INPP5D: variants seen among roughly 807,000 people sequenced by gnomAD.
The protein encoded by INPP5D is inositol polyphosphate-5-phosphatase D, also known as phosphatidylinositol 3,4,5-trisphosphate 5-phosphatase 1.
INPP5D carries 33 observed loss-of-function variants against 122.9 expected under a neutral mutation model. The observed-to-expected ratio is 0.27, with a 90% CI of 0.20 to 0.36. INPP5D has a LOEUF of 0.36. Ranked by LOEUF, INPP5D falls within the 10% of genes least tolerant of loss-of-function variation. The pLI is 1.00. For synonymous variants in INPP5D, 584 were observed against 576.2 expected, an observed-to-expected ratio of 1.01 and a Z score of -0.19; for missense variants, 1,053 against 1,412.7, an observed-to-expected ratio of 0.75 and a Z score of 4.08.
rs375109308 is a variant in INPP5D, at chr2:233,171,053, C to T, written c.1901-11C>T. ...GGAATCAGAATTAAAACGAAAGTCT[C>T]TCTGTTTCAGAGGAGGAAGAAATCA... On this transcript the variant is annotated splice_polypyrimidine_tract_variant and intron_variant, in intron 16 of 26. Coordinates refer to ENST00000445964, the MANE Select transcript of INPP5D (RefSeq NM_001017915.3). 257 of 1,613,476 alleles carry T rather than the reference C, an allele frequency of 1.6e-4. 4 individuals are homozygous for T. The Middle Eastern group carries it at 0.015, about 93-fold the overall frequency.
At position 233,094,512 on chromosome 2, in the gene INPP5D, CA is replaced by C. The variant is rs58284775; in HGVS notation, c.198+15144del. On this transcript the variant is annotated intron_variant, in intron 2 of 26. Transcript: ENST00000445964. ...TGGGCAATAGAGCAAGACTCCATCC[CA>C]AAAAAAAAAAAAAAAAAAAAAAAAA... Among the ~76,000 whole-genome samples the C allele has an allele frequency of 2.7e-3, 94 of 34,954 alleles. 13 individuals are homozygous for C. Among genetic ancestry groups the C allele is most frequent in the African/African-American group, 6.7e-3 (55 of 8,246 alleles). 22.9% of individuals were successfully genotyped at this position (34,954 alleles called of 152,430 possible). A position where few individuals can be genotyped will look rare whatever the true frequency, so the allele number is the denominator to read the frequency against.
intron 2 of INPP5D, among the ~76,000 whole-genome samples, chr2:233,117,743 C>T (rs1438710008): frequency 2.6e-5 from 4 of 152,218 alleles, no homozygotes; most frequent in South Asian, 2.1e-4. Flanking sequence ...ACATGAAAAA[C>T]GCACATGACA....
chr2:233,170,378 C>A lies in INPP5D; in HGVS notation c.1792-118C>A. On this transcript the variant is annotated intron_variant, in intron 15 of 26. Coordinates refer to ENST00000445964, the MANE Select transcript of INPP5D (RefSeq NM_001017915.3). This position sits in a 1 kb window ranked among gnomAD's most constrained non-coding sequence, Gnocchi z 4.5. ...CCGGTTCCCATAACTGTCACAGCCA[C>A]CCTGCCACCATCACTCTGCAGCCCG... is the stretch of plus-strand genomic sequence containing the variant. 6.6e-7 allele frequency: 1 copy of A among 1,515,932 alleles called. No homozygotes were observed. Among genetic ancestry groups the A allele is most frequent in the Non-Finnish European group, 8.9e-7 (1 of 1,125,092 alleles). 93.9% of individuals were successfully genotyped at this position (1,515,932 alleles called of 1,614,324 possible). A position where few individuals can be genotyped will look rare whatever the true frequency, so the allele number is the denominator to read the frequency against.
intron 2 of INPP5D, among the ~76,000 whole-genome samples, chr2:233,084,266 G>C (rs1419027511): frequency 6.6e-6 from 1 of 152,210 alleles, no homozygotes; most frequent in African/African-American, 2.4e-5. Flanking sequence ...TGTTGCCCAG[G>C]CTGGTCTCAA....
chr2:233,182,571 G>A (rs988335154), intron 19 of INPP5D, 72 bp downstream of exon 19: 8 of 1,592,974 alleles, frequency 5.0e-6, no homozygotes, highest in African/African-American at 1.3e-5. Context: ...GTCTTCAGGT[G>A]GCAGTCAGTG....
chr2:233,171,968 C>G (rs1694503234), intron 17 of INPP5D, among the ~76,000 whole-genome samples: 1 of 152,208 alleles, frequency 6.6e-6, no homozygotes, highest in Non-Finnish European at 1.5e-5. Flanking sequence ...TGGGCCCCAT[C>G]TGGGCTCAGG....
rs552898784 is a variant in INPP5D at position 233,128,741 on chromosome 2, G to A, written c.525-1767G>A. ...GATCTGCCCACCTCTGCCTCCCAAA[G>A]TGCTGGGATTATAGGCGTGACCCAC... On this transcript the variant is annotated intron_variant, in intron 4 of 26. Coordinates refer to ENST00000445964, the MANE Select transcript of INPP5D (RefSeq NM_001017915.3). This position sits in a 1 kb window ranked among gnomAD's most constrained non-coding sequence, Gnocchi z 4.5. Among the ~76,000 whole-genome samples, 2 of 152,280 alleles carry A rather than the reference G, an allele frequency of 1.3e-5. No homozygotes were observed. Among genetic ancestry groups the A allele is most frequent in the African/African-American group, 4.8e-5 (2 of 41,562 alleles).
Position 233,182,514 on chromosome 2 carries a change from G to T in INPP5D, c.2161+15G>T. ...CTCCAAGAACGGTAAGCAAAGGATG[G>T]TGTCTGTTTCTCTGTTTTCCTCAAT... On this transcript the variant is annotated intron_variant, in intron 19 of 26. Transcript: ENST00000445964. 6.2e-6 allele frequency: 10 copies of T among 1,611,976 alleles called. No homozygotes were observed. The highest frequency in any genetic ancestry group is 2.2e-5 in the South Asian group (2 of 90,986).
At chr2:233,198,475 A>T in intron 25 of INPP5D, 99 bp downstream of exon 25, 1 of 1,466,244 alleles carries the variant, frequency 6.8e-7, no homozygotes, top group Non-Finnish European at 9.0e-7. Context: ...AAGGGCCACA[A>T]TTTGTGTCCA....
chr2:233,169,869 C>A, intron 14 of INPP5D, 157 bp from the exon 15 acceptor site: 1 of 1,406,438 alleles, frequency 7.1e-7, no homozygotes, highest in Non-Finnish European at 9.7e-7. Flanking sequence ...TATTTGCACA[C>A]TAAGGAGTTC....
intron 1 of INPP5D, among the ~76,000 whole-genome samples, chr2:233,061,658 G>T (rs1215629634): frequency 6.6e-6 from 1 of 152,196 alleles, no homozygotes; most frequent in East Asian, 1.9e-4. Context: ...GCATTTGTTA[G>T]CCCATTTCAT....
In INPP5D at chr2:233,113,246, T is replaced by C. The variant is rs567146179; in HGVS notation, c.199-8861T>C. Among the ~76,000 whole-genome samples, 4 of 152,284 alleles carry C rather than the reference T, an allele frequency of 2.6e-5. No homozygotes were observed. The East Asian group carries it at 5.8e-4, about 22-fold the overall frequency. ...GTGCAGACTTCTAAGGCCCTCGTCA[T>C]GTCCTTATCCCAGCTGCTCCCTCGT... is the stretch of plus-strand genomic sequence containing the variant. On this transcript the variant is annotated intron_variant, in intron 2 of 26. Transcript: ENST00000445964.
chr2:233,089,986 T>TC (rs1277678411), intron 2 of INPP5D, among the ~76,000 whole-genome samples: 1 of 151,892 alleles, frequency 6.6e-6, no homozygotes, highest in Non-Finnish European at 1.5e-5. Flanking sequence ...TTCCAAACAA[T>TC]CCCCCCGCCC....
intron 1 of INPP5D, among the ~76,000 whole-genome samples, chr2:233,070,018 C>T (rs1559272287): frequency 6.6e-6 from 1 of 152,182 alleles, no homozygotes; most frequent in Admixed American, 6.5e-5. Flanking sequence ...AAACACAATA[C>T]ATTGCAAGGT....
chr2:233,097,945 G>A (rs549054234), intron 2 of INPP5D, among the ~76,000 whole-genome samples: 1 of 151,464 alleles, frequency 6.6e-6, no homozygotes, highest in African/African-American at 2.4e-5. Flanking sequence ...GGAGTGCAGT[G>A]GCGCGATCTC....
At chr2:233,185,057 C>T (rs1015383164) in intron 20 of INPP5D, among the ~76,000 whole-genome samples, 3 of 152,098 alleles carry the variant, frequency 2.0e-5, no homozygotes, top group African/African-American at 7.2e-5. Flanking sequence ...TAGGAAACAC[C>T]CTTTCCGGGT....
At position 233,190,935 on chromosome 2, in the gene INPP5D, C is replaced by T. The variant is rs73111456; in HGVS notation, c.2446+998C>T. Among the ~76,000 whole-genome samples the T allele has an allele frequency of 7.3e-3, 1,118 of 152,196 alleles. 19 individuals carry two copies. The highest frequency in any genetic ancestry group is 0.025 in the African/African-American group (1,034 of 41,518). ...AAATCCGCATCTGCAGTGATCAAGA[C>T]GACAGATGAGTGAGCCAGAATAGAA... On this transcript the variant is annotated intron_variant, in intron 22 of 26. Coordinates refer to ENST00000445964, the MANE Select transcript of INPP5D (RefSeq NM_001017915.3).
At chr2:233,073,300 T>C (rs1032577321) in intron 1 of INPP5D, among the ~76,000 whole-genome samples, 12 of 152,292 alleles carry the variant, frequency 7.9e-5, no homozygotes, top group African/African-American at 2.9e-4. Flanking sequence ...AGTGACAGGC[T>C]CTTAGGTTGG....
Position 233,206,571 on chromosome 2 carries a change from G to A in INPP5D, c.3568-135G>A, listed in dbSNP as rs1695510728. ...ATAAGCAGGTAAAGTACTTAGAGCA[G>A]TGAGTGCTGGCTCTTCTCAGCTACA... On this transcript the variant is annotated intron_variant, in intron 26 of 26. Coordinates refer to ENST00000445964, the MANE Select transcript of INPP5D (RefSeq NM_001017915.3). The surrounding 1 kb of genome is among the most constrained non-coding windows in gnomAD (Gnocchi z 4.0). 6.4e-6 allele frequency: 4 copies of A among 627,850 alleles called. No individual in the cohort carries two copies. Among genetic ancestry groups the A allele is most frequent in the Middle Eastern group, 5.1e-4 (2 of 3,944 alleles). The allele number at this position is 627,850 out of a possible 1,614,324, so 38.9% of individuals were successfully genotyped here.
Sources: gnomAD v4.1 joint callset for allele counts (sites outside exome capture counted in the v4.1 genomes callset) on GRCh38, gnomAD v4.1.1 for gene constraint, Gnocchi (gnomAD v3.1) non-coding constraint, MANE v1.5 for transcripts, NCBI Gene and HGNC (gene_info 2026-07-23, HGNC 2026-07-21) for gene names.